STK32B: variants seen among roughly 807,000 people sequenced by gnomAD.
The protein encoded by STK32B is serine/threonine-protein kinase 32B.
STK32B carries 43 observed loss-of-function variants against 52.6 expected under a neutral mutation model. The observed-to-expected ratio is 0.82, with a 90% CI of 0.64 to 1.05. The LOEUF (loss-of-function observed/expected upper bound fraction) is 1.05, where lower values mean the gene tolerates loss of function less well. STK32B is among the 50% of genes least tolerant of loss of function. STK32B has a pLI of 0.00. For synonymous variants in STK32B, 238 were observed against 204.3 expected, an observed-to-expected ratio of 1.17 and a Z score of -1.41; for missense variants, 621 against 534.6, an observed-to-expected ratio of 1.16 and a Z score of -1.59.
intron 9 of STK32B, among the ~76,000 whole-genome samples, chr4:5,463,176 C>T (rs17367445): frequency 0.36 from 54,994 of 152,156 alleles, 10,831 homozygotes; most frequent in Non-Finnish European, 0.43. Context: ...GAAATATGCC[C>T]GCCTTCTTCA....
intron 1 of STK32B, among the ~76,000 whole-genome samples, chr4:5,095,374 G>T (rs1376586831): frequency 6.6e-6 from 1 of 152,222 alleles, no homozygotes; most frequent in Non-Finnish European, 1.5e-5. Context: ...CACCACTTTG[G>T]AAGGTCGAGG....
chr4:5,203,766 G>A (rs767959345), intron 3 of STK32B, among the ~76,000 whole-genome samples: 6 of 151,766 alleles, frequency 4.0e-5, no homozygotes, highest in East Asian at 1.9e-4. Flanking sequence ...CTTTGCTTCC[G>A]TGTGCTCACC....
At chr4:5,335,755 G>A (rs1006173945) in intron 4 of STK32B, among the ~76,000 whole-genome samples, 7 of 152,152 alleles carry the variant, frequency 4.6e-5, no homozygotes, top group Non-Finnish European at 7.4e-5. Context: ...TCTTTCAGGA[G>A]CAGGTTGTTC....
At chr4:5,210,482 T>C (rs1722842221) in intron 3 of STK32B, among the ~76,000 whole-genome samples, 1 of 151,744 alleles carries the variant, frequency 6.6e-6, no homozygotes, top group African/African-American at 2.4e-5. Context: ...CCTTGAAGAC[T>C]TTTCTTGTCC....
chr4:5,409,209 A>G (rs1737865580), intron 5 of STK32B, among the ~76,000 whole-genome samples: 2 of 152,104 alleles, frequency 1.3e-5, no homozygotes, highest in South Asian at 4.1e-4. Flanking sequence ...CCCTTGCTGC[A>G]AGAGAGTTAG....
intron 11 of STK32B, among the ~76,000 whole-genome samples, chr4:5,484,698 A>T (rs565497778): frequency 4.6e-5 from 7 of 152,120 alleles, no homozygotes; most frequent in East Asian, 3.9e-4. Flanking sequence ...GGTCTTTACA[A>T]TTTGGCATGT....
rs1469186556 is a variant in STK32B at position 5,456,853 on chromosome 4, A to G, written c.713A>G (p.Asn238Ser). 3.1e-6 allele frequency: 5 copies of G among 1,598,404 alleles called. No individual in the cohort carries two copies. Among genetic ancestry groups the G allele is most frequent in the Non-Finnish European group, 3.4e-6 (4 of 1,170,846 alleles). The change falls in exon 8 of 12, where the codon AAC (asparagine) becomes AGC (serine). Residue 238 changes from asparagine (N) to serine (S), a missense_variant. Transcript: ENST00000282908. ...HSVTPIDEIL[N>S]MFKVERVHYS... The stretch of plus-strand genomic sequence containing the variant: ...GTCACGCCCATCGATGAAATCCTCA[A>G]CATGTTCAAGGTGGAGCGTGTCCAC...
Position 5,400,969 on chromosome 4 carries a change from G to A in STK32B, c.472+2725G>A, listed in dbSNP as rs141471073. The stretch of plus-strand genomic sequence containing the variant: ...AGAGGGGAGAGGGAAAGGTGTGTGC[G>A]GGGTTGTCTTAGAGGCAGCCGCATG... On this transcript the variant is annotated intron_variant, in intron 5 of 11. Coordinates refer to ENST00000282908, the MANE Select transcript of STK32B (RefSeq NM_018401.3). This position sits in a 1 kb window ranked among gnomAD's most constrained non-coding sequence, Gnocchi z 6.1. Among the ~76,000 whole-genome samples the A allele has an allele frequency of 1.1e-3, 171 of 152,176 alleles. 1 individual carries two copies. The highest frequency in any genetic ancestry group is 3.7e-3 in the African/African-American group (153 of 41,512).
intron 4 of STK32B, among the ~76,000 whole-genome samples, chr4:5,373,410 T>C (rs1451645081): frequency 6.6e-6 from 1 of 152,090 alleles, no homozygotes; most frequent in Non-Finnish European, 1.5e-5. Flanking sequence ...TCAGTTTGAG[T>C]CCGAAGGTAG....
intron 3 of STK32B, among the ~76,000 whole-genome samples, chr4:5,271,002 A>C (rs1727390701): frequency 6.9e-6 from 1 of 144,226 alleles, no homozygotes; most frequent in South Asian, 2.5e-4. Flanking sequence ...CAGGGGTGCG[A>C]TCTCAGCCCA....
In STK32B at chr4:5,198,337, C is replaced by T. The variant is rs544518360; in HGVS notation, c.260+29887C>T. ...CCACCTGTGGAAATGCCTCTTTGACCGCCTTTTCACCAACTAATTTGTAAT... is the reference window on the plus strand; with the variant it reads ...CCACCTGTGGAAATGCCTCTTTGACTGCCTTTTCACCAACTAATTTGTAAT... On this transcript the variant is annotated intron_variant, in intron 3 of 11. Coordinates refer to ENST00000282908, the MANE Select transcript of STK32B (RefSeq NM_018401.3). 1.2e-4 allele frequency among the ~76,000 whole-genome samples: 18 copies of T among 152,308 alleles called. No homozygotes were observed. In the South Asian group the frequency reaches 1.5e-3, roughly 12 times the overall value.
At chr4:5,231,380 G>A (rs1008047014) in intron 3 of STK32B, among the ~76,000 whole-genome samples, 2 of 152,184 alleles carry the variant, frequency 1.3e-5, no homozygotes, top group Admixed American at 6.5e-5. Flanking sequence ...GGAGGCTGAG[G>A]CGGAAAGATC....
rs973292149 is a variant in STK32B at position 5,221,911 on chromosome 4, C to T, written c.260+53461C>T. 2.0e-5 allele frequency among the ~76,000 whole-genome samples: 3 copies of T among 151,286 alleles called. No homozygotes were observed. In the South Asian group the frequency reaches 6.3e-4, roughly 32 times the overall value. On this transcript the variant is annotated intron_variant, in intron 3 of 11. Transcript: ENST00000282908. ...TGTTAATGATAGTATTAAGTGGAGCCTTTAAGAGATGATTAGGCCACCAGG... is the reference window on the plus strand; with the variant it reads ...TGTTAATGATAGTATTAAGTGGAGCTTTTAAGAGATGATTAGGCCACCAGG...
At chr4:5,316,176 T>TAA (rs1730680916) in intron 3 of STK32B, among the ~76,000 whole-genome samples, 1 of 94,518 alleles carries the variant, frequency 1.1e-5, no homozygotes, top group Non-Finnish European at 1.9e-5. Context: ...AATATATATA[T>TAA]AACTAAATAT....
At chr4:5,379,505 G>C (rs1320459576) in intron 4 of STK32B, among the ~76,000 whole-genome samples, 1 of 152,146 alleles carries the variant, frequency 6.6e-6, no homozygotes, top group African/African-American at 2.4e-5. Context: ...GCTATGGGAT[G>C]GATTGTGCCC....
intron 3 of STK32B, among the ~76,000 whole-genome samples, chr4:5,219,383 G>A (rs1025740415): frequency 7.9e-5 from 12 of 152,142 alleles, no homozygotes; most frequent in African/African-American, 2.2e-4. Context: ...CATTTTTTTC[G>A]GGTTATCAGT....
intron 2 of STK32B, among the ~76,000 whole-genome samples, chr4:5,143,882 A>G (rs1351189867): frequency 1.3e-5 from 2 of 148,960 alleles, no homozygotes; most frequent in Non-Finnish European, 3.0e-5. Context: ...AATAACTTGT[A>G]TTTTGAATGC....
At chr4:5,137,813 G>A (rs1370250253) in intron 1 of STK32B, among the ~76,000 whole-genome samples, 2 of 152,186 alleles carry the variant, frequency 1.3e-5, no homozygotes, top group Admixed American at 1.3e-4. Context: ...AAGAGAGCAA[G>A]TGCATGAGCT....
At chr4:5,136,794 C>A (rs1716105871) in intron 1 of STK32B, among the ~76,000 whole-genome samples, 1 of 152,148 alleles carries the variant, frequency 6.6e-6, no homozygotes, top group African/African-American at 2.4e-5. Flanking sequence ...TTCAAAGTGT[C>A]TTCTTTTAGG....
Sources: gnomAD v4.1 joint callset for allele counts (sites outside exome capture counted in the v4.1 genomes callset) on GRCh38, gnomAD v4.1.1 for gene constraint, Gnocchi (gnomAD v3.1) non-coding constraint, MANE v1.5 for transcripts, NCBI Gene and HGNC (gene_info 2026-07-23, HGNC 2026-07-21) for gene names.